The following C8orf34 variants were observed in gnomAD, a reference collection of about 807,000 sequenced individuals.
C8orf34 encodes uncharacterized protein C8orf34.
A neutral mutation model predicts 68.3 loss-of-function variants in C8orf34; 65 were observed. That is an observed-to-expected ratio of 0.95 (90% confidence interval 0.78 to 1.17). The LOEUF (loss-of-function observed/expected upper bound fraction) is 1.17. Among genes scored for constraint, C8orf34 ranks in the 50% most tolerant of loss-of-function variants. The probability of loss-of-function intolerance (pLI) is 0.00; values close to 1 mark genes in which losing one functional copy is unlikely to be tolerated. For synonymous variants in C8orf34, 244 were observed against 241.2 expected, an observed-to-expected ratio of 1.01 and a Z score of -0.11; for missense variants, 664 against 655.4, an observed-to-expected ratio of 1.01 and a Z score of -0.14.
At chr8:68,746,828 C>T (rs1346990705) in intron 10 of C8orf34, among the ~76,000 whole-genome samples, 2 of 151,708 alleles carry the variant, frequency 1.3e-5, no homozygotes, top group Admixed American at 1.3e-4. Flanking sequence ...GGTACCATTC[C>T]TTCTGAAACT....
At chr8:68,612,595 T>A (rs558561137) in intron 7 of C8orf34, among the ~76,000 whole-genome samples, 1 of 152,286 alleles carries the variant, frequency 6.6e-6, no homozygotes, top group South Asian at 2.1e-4. Flanking sequence ...ATCAGGACCT[T>A]TTACATATTT....
intron 7 of C8orf34, among the ~76,000 whole-genome samples, chr8:68,613,859 C>A (rs201446003): frequency 2.6e-5 from 4 of 151,366 alleles, no homozygotes; most frequent in Non-Finnish European, 2.9e-5. Flanking sequence ...CCTGAGGAAT[C>A]GCCACACTGA....
intron 7 of C8orf34, among the ~76,000 whole-genome samples, chr8:68,566,155 A>T (rs1816582140): frequency 2.6e-5 from 4 of 152,188 alleles, no homozygotes. Flanking sequence ...TATATCAAAC[A>T]CTTTTTAAAA....
In C8orf34 at chr8:68,641,694, A is replaced by G. The variant is rs572650657; in HGVS notation, c.1241+1183A>G. 6.6e-5 allele frequency among the ~76,000 whole-genome samples: 10 copies of G among 152,320 alleles called. No individual in the cohort carries two copies. In the East Asian group the frequency reaches 1.9e-3, roughly 29 times the overall value. ...GCTTGGTTCATGTCATTTGTAGAAG[A>G]CTGGGATATGAGGTGTTTGTTTTTT... On this transcript the variant is annotated intron_variant, in intron 8 of 13. Coordinates refer to ENST00000518698, the MANE Select transcript of C8orf34 (RefSeq NM_052958.4).
intron 8 of C8orf34, among the ~76,000 whole-genome samples, chr8:68,656,656 A>T (rs981707292): frequency 2.0e-5 from 3 of 152,192 alleles, no homozygotes; most frequent in Non-Finnish European, 4.4e-5. Context: ...TGCATCCAAC[A>T]AACACTGAAG....
chr8:68,422,125 C>T (rs770506333), intron 1 of C8orf34, among the ~76,000 whole-genome samples: 1 of 152,132 alleles, frequency 6.6e-6, no homozygotes, highest in Non-Finnish European at 1.5e-5. Flanking sequence ...GCTGCTGGCC[C>T]CTCCCAAATC....
At chr8:68,620,622 T>G (rs116144429) in intron 7 of C8orf34, among the ~76,000 whole-genome samples, 1 of 146,496 alleles carries the variant, frequency 6.8e-6, no homozygotes, top group South Asian at 2.2e-4. Context: ...AGAAAAGGAG[T>G]CTTTTTAGGG....
chr8:68,613,600 C>A lies in C8orf34; in HGVS notation c.1106-26776C>A, dbSNP rs534885558. On this transcript the variant is annotated intron_variant, in intron 7 of 13. Transcript: ENST00000518698. ...TGATGATTTCCAATTTCATCCGTGT[C>A]CCTACAAAGGACATGAACTCATCAT... 2.0e-5 allele frequency among the ~76,000 whole-genome samples: 3 copies of A among 151,934 alleles called. No individual in the cohort carries two copies. The South Asian group carries it at 6.2e-4, about 32-fold the overall frequency.
intron 7 of C8orf34, among the ~76,000 whole-genome samples, chr8:68,632,269 C>A (rs1235655909): frequency 6.6e-6 from 1 of 152,058 alleles, no homozygotes; most frequent in Non-Finnish European, 1.5e-5. Flanking sequence ...TTTGCTCCCA[C>A]CCTAGAGGTC....
intron 9 of C8orf34, among the ~76,000 whole-genome samples, chr8:68,710,710 G>A (rs1481041283): frequency 2.6e-5 from 4 of 152,134 alleles, no homozygotes; most frequent in African/African-American, 9.7e-5. Flanking sequence ...GGTAGCCAAA[G>A]ACAAAGGGCA....
chr8:68,375,389 A>G (rs1164907345), intron 1 of C8orf34, among the ~76,000 whole-genome samples: 2 of 152,254 alleles, frequency 1.3e-5, no homozygotes, highest in East Asian at 3.8e-4. Flanking sequence ...AAAAGCTGAA[A>G]CAAAAATTAA....
intron 2 of C8orf34, among the ~76,000 whole-genome samples, chr8:68,439,887 G>T (rs1046755059): frequency 1.3e-5 from 2 of 152,110 alleles, no homozygotes; most frequent in East Asian, 1.9e-4. Context: ...ATAAGATTCA[G>T]ATTTGCATCA....
chr8:68,394,899 A>G (rs758840328), intron 1 of C8orf34, among the ~76,000 whole-genome samples: 82 of 152,202 alleles, frequency 5.4e-4, no homozygotes, highest in Admixed American at 1.0e-3. Flanking sequence ...AATTCTAGAG[A>G]TAGTTCTAAC....
chr8:68,558,233 G>A (rs555050317), intron 7 of C8orf34, among the ~76,000 whole-genome samples: 38 of 152,188 alleles, frequency 2.5e-4, no homozygotes, highest in African/African-American at 9.1e-4. Flanking sequence ...TGGTCTATTA[G>A]GCAGTGAAGC....
chr8:68,723,590 C>G (rs1262240894), intron 10 of C8orf34, among the ~76,000 whole-genome samples: 3 of 152,104 alleles, frequency 2.0e-5, no homozygotes, highest in African/African-American at 7.2e-5. Flanking sequence ...TAGTATTTCT[C>G]CATAACCTCA....
chr8:68,661,529 C>T (rs1005267995), intron 8 of C8orf34, among the ~76,000 whole-genome samples: 9 of 152,296 alleles, frequency 5.9e-5, no homozygotes, highest in South Asian at 2.1e-4. Context: ...TCTAAGGAAA[C>T]GAAAGATCTT....
chr8:68,552,048 A>C (rs190540321), intron 7 of C8orf34, among the ~76,000 whole-genome samples: 2 of 152,132 alleles, frequency 1.3e-5, no homozygotes, highest in Non-Finnish European at 2.9e-5. Flanking sequence ...TACATGTTTG[A>C]GTTTATTTCT....
chr8:68,382,167 A>G (rs1255319996), intron 1 of C8orf34, among the ~76,000 whole-genome samples: 2 of 152,206 alleles, frequency 1.3e-5, no homozygotes, highest in Admixed American at 6.5e-5. Flanking sequence ...CTTTGCAGTT[A>G]TAACCATTGT....
intron 1 of C8orf34, among the ~76,000 whole-genome samples, chr8:68,372,671 A>G (rs1439478815): frequency 2.0e-5 from 3 of 152,178 alleles, no homozygotes; most frequent in East Asian, 3.9e-4. Context: ...TTACATAGGT[A>G]TACACGTGCT....
Sources: gnomAD v4.1 joint callset for allele counts (sites outside exome capture counted in the v4.1 genomes callset) on GRCh38, gnomAD v4.1.1 for gene constraint, MANE v1.5 for transcripts, NCBI Gene and HGNC (gene_info 2026-07-23, HGNC 2026-07-21) for gene names.